Variants in YAP1 observed in about 807,000 individuals in gnomAD.
YAP1 encodes the protein transcriptional coactivator YAP1.
Under a neutral mutation model 56.9 loss-of-function variants are expected in YAP1, and 5 were observed. The ratio of observed to expected loss-of-function variants is 0.09; its 90% CI spans 0.05 to 0.18. YAP1 has a LOEUF of 0.18. Ranked by LOEUF, YAP1 falls within the 10% of genes least tolerant of loss-of-function variation. The pLI is 1.00. For missense variants in YAP1, 539 were observed against 651.8 expected (o/e 0.83, Z 1.88); for synonymous variants, 265 against 248.1 (o/e 1.07, Z -0.64).
At chr11:102,183,297 G>A (rs948187631) in intron 3 of YAP1, among the ~76,000 whole-genome samples, 1 of 152,208 alleles carries the variant, frequency 6.6e-6, no homozygotes, top group African/African-American at 2.4e-5. Flanking sequence ...AAGTTGGTGG[G>A]AAAACTGGGT....
At chr11:102,181,280 C>T (rs1208272548) in intron 3 of YAP1, among the ~76,000 whole-genome samples, 2 of 150,528 alleles carry the variant, frequency 1.3e-5, no homozygotes, top group Admixed American at 1.3e-4. Context: ...CCCGTCTCTA[C>T]TAAAAATACA....
chr11:102,115,444 T>C (rs1388056632), intron 2 of YAP1, among the ~76,000 whole-genome samples: 1 of 152,168 alleles, frequency 6.6e-6, no homozygotes, highest in Non-Finnish European at 1.5e-5. Context: ...ATGTGTTTTA[T>C]ATTGATTGTC....
chr11:102,142,329 A>G (rs931271745), intron 2 of YAP1, among the ~76,000 whole-genome samples: 1 of 152,240 alleles, frequency 6.6e-6, no homozygotes, highest in Non-Finnish European at 1.5e-5. Context: ...GTAAGAATGC[A>G]AAGTAATTTT....
At chr11:102,163,165 G>T (rs1043118269) in intron 3 of YAP1, among the ~76,000 whole-genome samples, 1 of 152,010 alleles carries the variant, frequency 6.6e-6, no homozygotes, top group Non-Finnish European at 1.5e-5. Context: ...ATAAACCTGA[G>T]TATAAATCTT....
At chr11:102,189,472 G>T (rs1335216863) in intron 4 of YAP1, among the ~76,000 whole-genome samples, 1 of 152,132 alleles carries the variant, frequency 6.6e-6, no homozygotes, top group Non-Finnish European at 1.5e-5. Context: ...AAGTGCTGAT[G>T]GCACCACTGG....
At chr11:102,183,925 A>C (rs988321772) in intron 3 of YAP1, among the ~76,000 whole-genome samples, 1 of 151,678 alleles carries the variant, frequency 6.6e-6, no homozygotes, top group African/African-American at 2.4e-5. Flanking sequence ...AAATACAAAA[A>C]AATTAGCCGG....
chr11:102,204,937 A>C (rs1949045555), intron 4 of YAP1, among the ~76,000 whole-genome samples: 1 of 152,118 alleles, frequency 6.6e-6, no homozygotes, highest in Non-Finnish European at 1.5e-5. Context: ...ATGTGTACTA[A>C]ACATTTAGTA....
intron 1 of YAP1, among the ~76,000 whole-genome samples, chr11:102,112,987 TTTTG>T (rs1428621082): frequency 6.6e-5 from 10 of 151,974 alleles, no homozygotes; most frequent in Non-Finnish European, 1.3e-4. Context: ...ACTATTATAG[TTTTG>T]TTTGTTTTAA....
intron 2 of YAP1, among the ~76,000 whole-genome samples, chr11:102,157,164 A>G (rs10895266): frequency 0.5 from 76,215 of 152,030 alleles, 21,102 homozygotes; most frequent in African/African-American, 0.74. Flanking sequence ...TGCAGAAACC[A>G]TATTATCATA....
At chr11:102,141,908 A>G (rs1401953876) in intron 2 of YAP1, among the ~76,000 whole-genome samples, 1 of 152,188 alleles carries the variant, frequency 6.6e-6, no homozygotes, top group African/African-American at 2.4e-5. Context: ...TGTTTTCCTC[A>G]TTTGTAAAAT....
At chr11:102,209,875 T>G (rs1206239851) in intron 6 of YAP1, among the ~76,000 whole-genome samples, 2 of 152,216 alleles carry the variant, frequency 1.3e-5, no homozygotes, top group Non-Finnish European at 2.9e-5. Flanking sequence ...TAATTTTTAT[T>G]TGAATAGCTT....
intron 6 of YAP1, among the ~76,000 whole-genome samples, chr11:102,211,955 G>A (rs1357296721): frequency 4.6e-5 from 7 of 151,950 alleles, no homozygotes; most frequent in Admixed American, 3.9e-4. Context: ...CGCCTGCCTC[G>A]GCCTCCCAAA....
At chr11:102,148,020 C>T (rs1160870905) in intron 2 of YAP1, among the ~76,000 whole-genome samples, 2 of 152,108 alleles carry the variant, frequency 1.3e-5, no homozygotes, top group Non-Finnish European at 2.9e-5. Flanking sequence ...TTGAAAGCAT[C>T]TTTGAATTTT....
chr11:102,213,535 C>T (rs896062737), intron 6 of YAP1, among the ~76,000 whole-genome samples: 2 of 152,074 alleles, frequency 1.3e-5, no homozygotes, highest in African/African-American at 4.8e-5. Context: ...TCCCTAGTAC[C>T]TATGAGATCG....
chr11:102,112,938 T>C (rs925314025), intron 1 of YAP1, among the ~76,000 whole-genome samples: 3 of 152,226 alleles, frequency 2.0e-5, no homozygotes, highest in African/African-American at 7.2e-5. Context: ...GTAAATAATT[T>C]TTACAAGAAT....
At chr11:102,122,834 C>A (rs1943746370) in intron 2 of YAP1, among the ~76,000 whole-genome samples, 1 of 136,120 alleles carries the variant, frequency 7.3e-6, no homozygotes, top group African/African-American at 2.8e-5. Flanking sequence ...GTGGAGGTTG[C>A]AGCAGTGAAT....
At chr11:102,114,855 T>C (rs189187140) in intron 2 of YAP1, among the ~76,000 whole-genome samples, 19 of 152,344 alleles carry the variant, frequency 1.2e-4, no homozygotes, top group Admixed American at 8.5e-4. Flanking sequence ...TGGGGGAGTC[T>C]AATTTTACAG....
intron 6 of YAP1, among the ~76,000 whole-genome samples, chr11:102,218,094 C>A (rs549911543): frequency 3.9e-5 from 6 of 152,220 alleles, no homozygotes; most frequent in African/African-American, 1.2e-4. Flanking sequence ...ATTGTATATC[C>A]GTTATATATC....
chr11:102,138,293 G>A (rs1167816523), intron 2 of YAP1, among the ~76,000 whole-genome samples: 1 of 152,228 alleles, frequency 6.6e-6, no homozygotes, highest in Admixed American at 6.5e-5. Flanking sequence ...GTTGGGCTCA[G>A]CTGAGCAGTT....
Sources: allele counts gnomAD v4.1 joint callset (sites outside exome capture counted in the v4.1 genomes callset), GRCh38; gene constraint gnomAD v4.1.1; transcripts MANE v1.5; gene names NCBI Gene and HGNC (gene_info 2026-07-23, HGNC 2026-07-21).